The following CBFA2T2 variants were observed in gnomAD, a reference collection of about 807,000 sequenced individuals.
CBFA2T2 encodes CBFA2/RUNX1 partner transcriptional co-repressor 2.
A neutral mutation model predicts 62.2 loss-of-function variants in CBFA2T2; 11 were observed. The observed-to-expected ratio is 0.18, with a 90% CI of 0.11 to 0.29. The LOEUF (loss-of-function observed/expected upper bound fraction) is 0.29, where lower values mean the gene tolerates loss of function less well. Ranked by LOEUF, CBFA2T2 falls within the 10% of genes least tolerant of loss-of-function variation. CBFA2T2 has a pLI of 1.00. For synonymous variants in CBFA2T2, 295 were observed against 287.5 expected (o/e 1.03, Z -0.27); for missense variants, 592 against 774.1 (o/e 0.76, Z 2.79).
intron 1 of CBFA2T2, among the ~76,000 whole-genome samples, chr20:33,602,138 T>C (rs1367691382): frequency 6.6e-6 from 1 of 152,134 alleles, no homozygotes; most frequent in Non-Finnish European, 1.5e-5. Flanking sequence ...TAAAATATGA[T>C]TCAAGTAAAC....
intron 1 of CBFA2T2, among the ~76,000 whole-genome samples, chr20:33,605,891 T>C (rs1448292146): frequency 6.6e-6 from 1 of 152,044 alleles, no homozygotes; most frequent in African/African-American, 2.4e-5. Context: ...TGATCTTGGC[T>C]CACTGCAACC....
chr20:33,583,551 T>A (rs2014213485), intron 1 of CBFA2T2, among the ~76,000 whole-genome samples: 1 of 152,190 alleles, frequency 6.6e-6, no homozygotes, highest in African/African-American at 2.4e-5. Flanking sequence ...TTTAGTAAAA[T>A]TTTAAAAAAT....
chr20:33,508,799 T>A (rs930259999), intron 1 of CBFA2T2, among the ~76,000 whole-genome samples: 2 of 152,192 alleles, frequency 1.3e-5, no homozygotes, highest in Non-Finnish European at 2.9e-5. Flanking sequence ...AAGAGGGGTT[T>A]ATTTAAACTT....
chr20:33,534,379 G>A (rs2012144613), intron 1 of CBFA2T2, among the ~76,000 whole-genome samples: 1 of 152,246 alleles, frequency 6.6e-6, no homozygotes, highest in Middle Eastern at 3.4e-3. Flanking sequence ...GAGTACAGTT[G>A]TGCGATCCCA....
intron 1 of CBFA2T2, among the ~76,000 whole-genome samples, chr20:33,506,294 G>A (rs980151137): frequency 3.3e-5 from 5 of 151,884 alleles, no homozygotes; most frequent in African/African-American, 1.2e-4. Flanking sequence ...AAGAAGAGAA[G>A]CAATTTAATA....
intron 1 of CBFA2T2, among the ~76,000 whole-genome samples, chr20:33,550,953 A>G (rs546322332): frequency 5.9e-5 from 9 of 151,964 alleles, no homozygotes; most frequent in Non-Finnish European, 1.2e-4. Flanking sequence ...GTCAAGCTAC[A>G]TGAGTTGGAA....
At chr20:33,533,317 C>T (rs1233082137) in intron 1 of CBFA2T2, among the ~76,000 whole-genome samples, 1 of 152,190 alleles carries the variant, frequency 6.6e-6, no homozygotes, top group Non-Finnish European at 1.5e-5. Context: ...TCCAAGCAAA[C>T]ACTAATCTGC....
At chr20:33,531,388 C>A (rs1275440343) in intron 1 of CBFA2T2, among the ~76,000 whole-genome samples, 1 of 152,198 alleles carries the variant, frequency 6.6e-6, no homozygotes, top group Non-Finnish European at 1.5e-5. Flanking sequence ...AGGCCAGAAT[C>A]CTACTCACAC....
At chr20:33,512,369 GA>G (rs1221472272) in intron 1 of CBFA2T2, among the ~76,000 whole-genome samples, 1 of 152,102 alleles carries the variant, frequency 6.6e-6, no homozygotes, top group Non-Finnish European at 1.5e-5. Flanking sequence ...AAAAGTAAAA[GA>G]AAACATTAAC....
At chr20:33,507,867 A>G (rs1217484835) in intron 1 of CBFA2T2, among the ~76,000 whole-genome samples, 2 of 152,054 alleles carry the variant, frequency 1.3e-5, no homozygotes, top group African/African-American at 4.8e-5. Flanking sequence ...TGTAATTTTG[A>G]TAGATGTTGC....
chr20:33,572,802 C>T (rs995662842), intron 1 of CBFA2T2, among the ~76,000 whole-genome samples: 2 of 152,098 alleles, frequency 1.3e-5, no homozygotes, highest in Non-Finnish European at 2.9e-5. Flanking sequence ...TGATGGGTAA[C>T]CATTGAATAG....
chr20:33,566,986 A>T (rs965528405), intron 1 of CBFA2T2, among the ~76,000 whole-genome samples: 1 of 152,180 alleles, frequency 6.6e-6, no homozygotes, highest in African/African-American at 2.4e-5. Context: ...TGCTACCATG[A>T]TGGACTCTGT....
At chr20:33,556,871 A>G (rs1260841085) in intron 1 of CBFA2T2, among the ~76,000 whole-genome samples, 2 of 151,924 alleles carry the variant, frequency 1.3e-5, no homozygotes, top group Non-Finnish European at 2.9e-5. Context: ...TACTATCATT[A>G]TTTATTTTGA....
rs552906299 is a variant in CBFA2T2, at chr20:33,527,227, A to G, written c.34+36926A>G. 1.2e-4 allele frequency among the ~76,000 whole-genome samples: 19 copies of G among 152,200 alleles called. No individual in the cohort carries two copies. In the South Asian group the frequency reaches 3.9e-3, roughly 32 times the overall value. ...TTTGTTTGTTTGTTTTTTGAGATGG[A>G]GTCTCACTACATCACCCAGGCTGGA... is the stretch of plus-strand genomic sequence containing the variant. On this transcript the variant is annotated intron_variant, in intron 1 of 10. Coordinates refer to ENST00000342704, the MANE Select transcript of CBFA2T2 (RefSeq NM_001032999.3).
intron 1 of CBFA2T2, among the ~76,000 whole-genome samples, chr20:33,516,331 G>A (rs1411074154): frequency 6.6e-6 from 1 of 151,166 alleles, no homozygotes; most frequent in African/African-American, 2.4e-5. Flanking sequence ...TTAGCTGGGT[G>A]TGGTGGTGCA....
At chr20:33,533,670 TA>T (rs1322051373) in intron 1 of CBFA2T2, among the ~76,000 whole-genome samples, 4 of 149,266 alleles carry the variant, frequency 2.7e-5, no homozygotes, top group Non-Finnish European at 1.5e-5. Context: ...TTTTCTTTTT[TA>T]AAAAAAAAAG....
chr20:33,622,542 T>C (rs945118961), intron 4 of CBFA2T2, among the ~76,000 whole-genome samples: 2 of 152,264 alleles, frequency 1.3e-5, no homozygotes, highest in Non-Finnish European at 2.9e-5. Context: ...TTGCAGGTTT[T>C]CTAAGTATGA....
rs757392296 is a variant in CBFA2T2 at position 33,629,824 on chromosome 20, C to T, written c.1138C>T (p.Arg380Trp). 29 of 1,613,774 alleles carry T rather than the reference C, an allele frequency of 1.8e-5. No individual in the cohort carries two copies. Among genetic ancestry groups the T allele is most frequent in the African/African-American group, 6.7e-5 (5 of 74,854 alleles). The change falls in exon 8 of 11, where the codon CGG becomes TGG. Residue 380 changes from arginine to tryptophan, a missense_variant. By Grantham distance (101) the Arg-to-Trp change is moderately radical. Coordinates refer to ENST00000342704, the MANE Select transcript of CBFA2T2 (RefSeq NM_001032999.3). Reference sequence around the variant, plus strand: ...TGAAGAACTCAACTACTGGAAAAGACGGTACAATGAAAACACAGAGCTGAG... The same window carrying T: ...TGAAGAACTCAACTACTGGAAAAGATGGTACAATGAAAACACAGAGCTGAG... Reference protein sequence around the residue: ...DREELNYWKRRYNENTELRKT... With the variant: ...DREELNYWKRWYNENTELRKT...
chr20:33,498,267 A>G (rs1253591271), intron 1 of CBFA2T2, among the ~76,000 whole-genome samples: 2 of 135,234 alleles, frequency 1.5e-5, no homozygotes, highest in Non-Finnish European at 3.1e-5. Context: ...TTTTTTTGAG[A>G]TGGAGTTTCC....
Sources: allele counts gnomAD v4.1 joint callset (sites outside exome capture counted in the v4.1 genomes callset), GRCh38; gene constraint gnomAD v4.1.1; transcripts MANE v1.5; gene names NCBI Gene and HGNC (gene_info 2026-07-23, HGNC 2026-07-21).